The following OVCH2 variants were observed in gnomAD, a reference collection of about 807,000 sequenced individuals.
The protein encoded by OVCH2 is ovochymase-2.
Under a neutral mutation model 73.7 loss-of-function variants are expected in OVCH2, and 88 were observed. The ratio of observed to expected loss-of-function variants is 1.19; its 90% CI spans 1.01 to 1.43. The LOEUF (loss-of-function observed/expected upper bound fraction) is 1.43, where lower values mean the gene tolerates loss of function less well. OVCH2 is among the 40% of genes most tolerant of loss of function. OVCH2 has a pLI of 0.00. For missense variants in OVCH2, 706 were observed against 674.5 expected, an observed-to-expected ratio of 1.05 and a Z score of -0.52; for synonymous variants, 265 against 234.5, an observed-to-expected ratio of 1.13 and a Z score of -1.19.
chr11:7,701,275 C>A (rs1182351014), intron 6 of OVCH2, 49 bp downstream of exon 6: 1 of 1,550,470 alleles, frequency 6.4e-7, no homozygotes, highest in Admixed American at 2.2e-5. Context: ...GAAAACAAAA[C>A]CAAGGGAATC....
chr11:7,701,879 C>A, intron 4 of OVCH2, 68 bp from the exon 5 acceptor site: 2 of 1,367,612 alleles, frequency 1.5e-6, no homozygotes, highest in Admixed American at 3.9e-5. Context: ...CCACTCACCA[C>A]TTGGTATCCA....
downstream of OVCH2, among the ~76,000 whole-genome samples, chr11:7,689,135 A>C (rs1590900340): frequency 6.6e-6 from 1 of 152,228 alleles, no homozygotes; most frequent in East Asian, 1.9e-4. Context: ...TGCAGCAGTA[A>C]TTAAAATTCC....
chr11:7,698,363 G>A (rs376446517), intron 8 of OVCH2, among the ~76,000 whole-genome samples: 5 of 152,180 alleles, frequency 3.3e-5, no homozygotes, highest in Admixed American at 6.5e-5. Context: ...GAAAAGGCTC[G>A]CCCAAAGTCA....
downstream of OVCH2, among the ~76,000 whole-genome samples, chr11:7,686,466 A>G (rs748532232): frequency 1.3e-5 from 2 of 152,250 alleles, no homozygotes; most frequent in Non-Finnish European, 2.9e-5. Context: ...GTTAGCTGCC[A>G]TTCTCTCATG....
chr11:7,705,961 C>T (rs1352063790), intron 1 of OVCH2, among the ~76,000 whole-genome samples: 1 of 152,126 alleles, frequency 6.6e-6, no homozygotes, highest in Non-Finnish European at 1.5e-5. Flanking sequence ...ATTAAAAATG[C>T]TTCCAAATCC....
intron 11 of OVCH2, 51 bp from the exon 12 acceptor site, chr11:7,695,239 A>G (rs1466729424): frequency 2.7e-6 from 4 of 1,503,556 alleles, no homozygotes; most frequent in Non-Finnish European, 3.6e-6. Flanking sequence ...AATAAAGAAG[A>G]ATTCTCACTG....
downstream of OVCH2, among the ~76,000 whole-genome samples, chr11:7,689,169 A>C (rs866062310): frequency 2.0e-5 from 3 of 152,370 alleles, no homozygotes; most frequent in South Asian, 2.1e-4. Flanking sequence ...CTAGGTAAAG[A>C]AGATCATCTT....
rs1286917495 is a variant in OVCH2 at position 7,691,904 on chromosome 11, A to G, written c.1505T>C (p.Ile502Thr). 4.5e-6 allele frequency: 7 copies of G among 1,562,954 alleles called. No homozygotes were observed. Among genetic ancestry groups the G allele is most frequent in the Non-Finnish European group, 6.1e-6 (7 of 1,152,212 alleles). Residue 502 changes from isoleucine (I) to threonine (T), a missense_variant and splice_region_variant, in exon 13 of 16, where the codon ATA becomes ACA. Ile to Thr is a moderately conservative substitution (Grantham distance 89). Coordinates refer to ENST00000533663, the MANE Select transcript of OVCH2 (RefSeq NM_198185.7). ...VHSDVERKKE[I>T]ARLCGYDVPT... ...GCTGAGGCTCAGAGGACACAAACCT[A>G]TTTCCTTCTTCCTTTCTACATCGCT...
At chr11:7,689,653 C>T (rs770665964) in intron 15 of OVCH2, 51 bp from the exon 16 acceptor site, 5 of 535,394 alleles carry the variant, frequency 9.3e-6, no homozygotes, top group Non-Finnish European at 1.8e-5. Flanking sequence ...ACACGATATT[C>T]TCCCTGTGTG....
chr11:7,700,308 G>A lies in OVCH2; in HGVS notation c.889C>T (p.His297Tyr). 2.5e-6 allele frequency: 4 copies of A among 1,613,708 alleles called. No homozygotes were observed. The highest frequency in any genetic ancestry group is 3.4e-6 in the Non-Finnish European group (4 of 1,179,764). ...ATGGCTTAGTTACCAGTTTGGATGT[G>A]TTCGTGGATCCAGGGAAGCACTTTA... ...ISKVLPWIHEHIQTGNRRKSS... is the reference protein window; with the variant it reads ...ISKVLPWIHEYIQTGNRRKSS... The change falls in exon 7 of 16, where the codon CAC becomes TAC. Residue 297 changes from histidine to tyrosine, a missense_variant. Physicochemically the swap from His to Tyr is moderately conservative, Grantham distance 83. Transcript: ENST00000533663.
chr11:7,702,600 A>G (rs1024379278), intron 3 of OVCH2, among the ~76,000 whole-genome samples: 23 of 152,192 alleles, frequency 1.5e-4, no homozygotes, highest in South Asian at 1.2e-3. Context: ...ATATCTAGAG[A>G]GGCACATACA....
At chr11:7,702,845 A>G (rs1283246219) in intron 3 of OVCH2, among the ~76,000 whole-genome samples, 2 of 152,208 alleles carry the variant, frequency 1.3e-5, no homozygotes, top group African/African-American at 4.8e-5. Flanking sequence ...TAAAGACTTC[A>G]GCTTGCCATC....
chr11:7,696,316 G>T, intron 10 of OVCH2, 149 bp downstream of exon 10: 2 of 1,140,882 alleles, frequency 1.8e-6, no homozygotes, highest in Non-Finnish European at 2.4e-6. Context: ...GCTCAGATTT[G>T]GTTCCTTCCC....
chr11:7,702,573 T>C (rs1856465006), intron 3 of OVCH2, among the ~76,000 whole-genome samples: 1 of 152,172 alleles, frequency 6.6e-6, no homozygotes, highest in Non-Finnish European at 1.5e-5. Flanking sequence ...TTTAATACTT[T>C]GCAATGTTAT....
chr11:7,694,918 G>C (rs1335284993), intron 12 of OVCH2, 140 bp downstream of exon 12: 2 of 952,332 alleles, frequency 2.1e-6, no homozygotes, highest in East Asian at 5.9e-5. Flanking sequence ...TTTATTGACA[G>C]CTTTGTGTGT....
chr11:7,695,674 A>C lies in OVCH2; in HGVS notation c.1178T>G (p.Leu393Arg), dbSNP rs1856318245. 24 of 1,612,818 alleles carry C rather than the reference A, an allele frequency of 1.5e-5. No individual in the cohort carries two copies. Among genetic ancestry groups the C allele is most frequent in the Non-Finnish European group, 1.9e-5 (23 of 1,179,750 alleles). ...FCGESLPSSI[L>R]IGSNSLRLKF... ...CAGCCTTAGAGAATTAGAGCCAATAAGAATGGATGAAGGGAGGCTTTCTCC... is the reference window on the plus strand; with the variant it reads ...CAGCCTTAGAGAATTAGAGCCAATACGAATGGATGAAGGGAGGCTTTCTCC... The change falls in exon 11 of 16, where the codon CTT (leucine) becomes CGT (arginine). Residue 393 changes from leucine to arginine, a missense_variant. Physicochemically the swap from Leu to Arg is moderately radical, Grantham distance 102. Coordinates refer to ENST00000533663, the MANE Select transcript of OVCH2 (RefSeq NM_198185.7).
At position 7,689,474 on chromosome 11, in the gene OVCH2, T is replaced by G; in HGVS notation, c.*160A>C. 2.9e-6 allele frequency: 1 copy of G among 348,894 alleles called. No individual in the cohort carries two copies. The highest frequency in any genetic ancestry group is 5.7e-6 in the Non-Finnish European group (1 of 175,430). 21.6% of individuals were successfully genotyped at this position (348,894 alleles called of 1,614,324 possible). A position where few individuals can be genotyped will look rare whatever the true frequency, so the allele number is the denominator to read the frequency against. On this transcript the variant is annotated 3_prime_UTR_variant, in exon 16 of 16. Transcript: ENST00000533663. ...ACAGAAATTTATTGTCTCATAGTTC[T>G]GGAGGCTAGAAGTCCAAGATCAACG...
Position 7,704,652 on chromosome 11 carries a change from C to G in OVCH2, c.111G>C (p.Leu37=). The G allele has an allele frequency of 6.2e-7, 1 of 1,612,270 alleles. No individual in the cohort carries two copies. The highest frequency in any genetic ancestry group is 1.1e-5 in the South Asian group (1 of 90,732). Reference sequence around the variant, plus strand: ...AATAATTCCAAGGCTGTACCTTAACCAGACTCTGCCCACAACTGGGAGCTG... The same window carrying G: ...AATAATTCCAAGGCTGTACCTTAACGAGACTCTGCCCACAACTGGGAGCTG... ...LPKAPSCGQS[L]VKVQPWNYFN... Residue 37 remains leucine (L), a synonymous_variant, in exon 2 of 16, where the codon CTG becomes CTC. Transcript: ENST00000533663.
Position 7,691,972 on chromosome 11 carries a change from T to C in OVCH2, c.1437A>G (p.Ile479Met), listed in dbSNP as rs1179812502. 1 of 1,573,820 alleles carries C rather than the reference T, an allele frequency of 6.4e-7. No homozygotes were observed. ...CGGAAGTGCAGTCTCCACTTTCTTC[T>C]ATTTCCAGACTCTGAAATGAAAGCT... ...LIKLSFQSLEIEESGDCTSDY... is the reference protein window; with the variant it reads ...LIKLSFQSLEMEESGDCTSDY... Residue 479 changes from isoleucine to methionine, a missense_variant, in exon 13 of 16, where the codon ATA becomes ATG. Ile to Met is a conservative substitution (Grantham distance 10). Transcript: ENST00000533663.
Sources: allele counts gnomAD v4.1 joint callset (sites outside exome capture counted in the v4.1 genomes callset), GRCh38; gene constraint gnomAD v4.1.1; transcripts MANE v1.5; gene names NCBI Gene and HGNC (gene_info 2026-07-23, HGNC 2026-07-21).